ACCSL: variants seen among roughly 807,000 people sequenced by gnomAD.
ACCSL encodes 1-aminocyclopropane-1-carboxylate synthase homolog (inactive) like, also known as probable inactive 1-aminocyclopropane-1-carboxylate synthase-like protein 2.
Under a neutral mutation model 61.7 loss-of-function variants are expected in ACCSL, and 55 were observed. That is an observed-to-expected ratio of 0.89 (90% CI 0.72 to 1.12). The LOEUF (loss-of-function observed/expected upper bound fraction) is 1.12. Among genes scored for constraint, ACCSL ranks in the 50% most tolerant of loss-of-function variants. The pLI, the probability that ACCSL is intolerant of heterozygous loss-of-function variation, is 0.00. For synonymous variants in ACCSL, 258 were observed against 264.3 expected, an observed-to-expected ratio of 0.98 and a Z score of 0.23; for missense variants, 632 against 698.0, an observed-to-expected ratio of 0.91 and a Z score of 1.07.
At chr11:43,961,254 G>A in the ACCSL span, among the ~76,000 whole-genome samples, 826 of 152,098 alleles carry the variant, frequency 5.4e-3, 12 homozygotes, top group African/African-American at 0.019. Flanking sequence ...ATGAAGATAT[G>A]GTGTGCTTAC....
the ACCSL span, among the ~76,000 whole-genome samples, chr11:43,977,160 G>A: frequency 6.6e-6 from 1 of 152,164 alleles, no homozygotes; most frequent in African/African-American, 2.4e-5. Context: ...GGGCTTTGGT[G>A]GCCCCATGAG....
chr11:44,049,854 A>T (rs1212052598), intron 1 of ACCSL, among the ~76,000 whole-genome samples: 1 of 152,248 alleles, frequency 6.6e-6, no homozygotes, highest in African/African-American at 2.4e-5. Flanking sequence ...GGTCGATAGG[A>T]CATAACTTAT....
chr11:43,945,063 A>G, the ACCSL span: 1 of 152,620 alleles, frequency 6.6e-6, no homozygotes, highest in African/African-American at 2.4e-5. Flanking sequence ...AAATGGAACT[A>G]CAGGGCCGGA....
At chr11:44,032,902 G>C in the ACCSL span, among the ~76,000 whole-genome samples, 8 of 152,158 alleles carry the variant, frequency 5.3e-5, no homozygotes, top group Non-Finnish European at 1.0e-4. Flanking sequence ...TCTCTGAGAG[G>C]CTCCCCCGAG....
the ACCSL span, among the ~76,000 whole-genome samples, chr11:43,967,302 C>T: frequency 4.0e-5 from 6 of 151,312 alleles, no homozygotes; most frequent in South Asian, 4.2e-4. Flanking sequence ...CTCAGCCTCC[C>T]GAGTAGCTGG....
At chr11:44,015,353 T>G in the ACCSL span, among the ~76,000 whole-genome samples, 3 of 152,182 alleles carry the variant, frequency 2.0e-5, no homozygotes, top group Non-Finnish European at 2.9e-5. Context: ...GGACTTACAC[T>G]CAGATTGGCC....
chr11:43,993,860 G>A, the ACCSL span, among the ~76,000 whole-genome samples: 1 of 152,210 alleles, frequency 6.6e-6, no homozygotes, highest in East Asian at 1.9e-4. Context: ...CGGTGAACGG[G>A]CATTTAGTGG....
the ACCSL span, among the ~76,000 whole-genome samples, chr11:43,937,125 TA>T: frequency 6.6e-6 from 1 of 152,062 alleles, no homozygotes; most frequent in Admixed American, 6.6e-5. Flanking sequence ...GGAGACAGTG[TA>T]GCCCCTTGGC....
chr11:43,928,313 A>G, the ACCSL span, among the ~76,000 whole-genome samples: 1 of 152,106 alleles, frequency 6.6e-6, no homozygotes, highest in Non-Finnish European at 1.5e-5. Context: ...AAAAGAAAAG[A>G]TGTCGGATTT....
the ACCSL span, among the ~76,000 whole-genome samples, chr11:43,960,852 C>T: frequency 1.8e-4 from 27 of 150,852 alleles, no homozygotes; most frequent in Non-Finnish European, 3.0e-5. Context: ...GAGGTTCGCT[C>T]TTGTCACCCA....
the ACCSL span, among the ~76,000 whole-genome samples, chr11:44,000,725 A>G: frequency 6.8e-6 from 1 of 146,702 alleles, no homozygotes; most frequent in African/African-American, 2.5e-5. Context: ...TCTGCCTCAA[A>G]AAAGAAAGAA....
At chr11:43,949,093 A>T in the ACCSL span, among the ~76,000 whole-genome samples, 5 of 152,180 alleles carry the variant, frequency 3.3e-5, no homozygotes, top group Non-Finnish European at 7.3e-5. Flanking sequence ...AGGCCCTCCC[A>T]GTCTTCCCAG....
chr11:43,950,578 G>A, the ACCSL span, among the ~76,000 whole-genome samples: 2 of 152,298 alleles, frequency 1.3e-5, no homozygotes, highest in South Asian at 4.1e-4. Context: ...AGATTCTCTT[G>A]TGTGGTCTTA....
the ACCSL span, among the ~76,000 whole-genome samples, chr11:43,941,956 G>T: frequency 6.6e-6 from 1 of 152,148 alleles, no homozygotes; most frequent in Non-Finnish European, 1.5e-5. Context: ...GGGTGGGGGA[G>T]TGAGGAGACA....
the ACCSL span, among the ~76,000 whole-genome samples, chr11:44,017,805 A>G: frequency 2.0e-5 from 3 of 148,776 alleles, no homozygotes; most frequent in African/African-American, 7.4e-5. Context: ...TCATTGATCC[A>G]TGTTATGATG....
chr11:44,025,632 G>A, the ACCSL span, among the ~76,000 whole-genome samples: 1 of 152,028 alleles, frequency 6.6e-6, no homozygotes, highest in Non-Finnish European at 1.5e-5. Context: ...ATTTTCCTAT[G>A]TGATTACTTA....
At chr11:44,036,775 C>T in the ACCSL span, among the ~76,000 whole-genome samples, 1 of 146,406 alleles carries the variant, frequency 6.8e-6, no homozygotes, top group Non-Finnish European at 1.5e-5. Flanking sequence ...GAGCAAGACA[C>T]CAGCTCAAAA....
the ACCSL span, chr11:43,943,459 G>T: frequency 7.1e-7 from 1 of 1,417,978 alleles, no homozygotes; most frequent in South Asian, 1.2e-5. The surrounding 1 kb of genome is among the most constrained non-coding windows in gnomAD (Gnocchi z 4.8). Flanking sequence ...GCTCGCCCTG[G>T]CCCGGGAGCG....
At chr11:43,943,019 C>T in the ACCSL span, 110,402 of 1,509,784 alleles carry the variant, frequency 0.073, 4,679 homozygotes, top group African/African-American at 0.14. This position sits in a 1 kb window ranked among gnomAD's most constrained non-coding sequence, Gnocchi z 4.8. Context: ...CGCCAAGCTG[C>T]CCAAGGGCCG....
Sources: allele counts gnomAD v4.1 joint callset (sites outside exome capture counted in the v4.1 genomes callset), GRCh38; gene constraint gnomAD v4.1.1; non-coding constraint Gnocchi (gnomAD v3.1); transcripts MANE v1.5; gene names NCBI Gene and HGNC (gene_info 2026-07-23, HGNC 2026-07-21).